Variants in CARMIL3 observed in about 807,000 individuals in gnomAD.
CARMIL3 encodes capping protein regulator and myosin 1 linker 3, also known as capping protein, Arp2/3 and myosin-I linker protein 3.
Under a neutral mutation model 180.8 loss-of-function variants are expected in CARMIL3, and 88 were observed. That is an observed-to-expected ratio of 0.49 (90% CI 0.41 to 0.58). CARMIL3 has a LOEUF of 0.58. CARMIL3 is among the 20% of genes least tolerant of loss of function. The probability of loss-of-function intolerance (pLI) is 0.00; values close to 1 mark genes in which losing one functional copy is unlikely to be tolerated. For synonymous variants in CARMIL3, 696 were observed against 714.5 expected (o/e 0.97, Z 0.41); for missense variants, 1,548 against 1,787.0 (o/e 0.87, Z 2.41).
chr14:24,060,597 TC>T, intron 24 of CARMIL3, 30 bp from the exon 25 acceptor site: 1 of 1,608,990 alleles, frequency 6.2e-7, no homozygotes, highest in Non-Finnish European at 8.5e-7. Flanking sequence ...GAAGCAGGGG[TC>T]CCCTTGACAC....
rs946914939 is a variant in CARMIL3 at position 24,065,437 on chromosome 14, G to A, written c.3396+164G>A. The A allele has an allele frequency of 9.5e-6, 10 of 1,054,620 alleles. 1 individual carries two copies. In the South Asian group the frequency reaches 1.4e-4, roughly 14 times the overall value. 65.3% of individuals were successfully genotyped at this position (1,054,620 alleles called of 1,614,324 possible). The stretch of plus-strand genomic sequence containing the variant: ...CCTTGAGAGTGGACTAAGACCCAGT[G>A]GCCAAGAGCATGCTGGGAGTGCTAT... On this transcript the variant is annotated intron_variant, in intron 33 of 39. Coordinates refer to ENST00000342740, the MANE Select transcript of CARMIL3 (RefSeq NM_138360.4).
At chr14:24,057,050 C>A in intron 13 of CARMIL3, 26 bp downstream of exon 13, 3 of 1,606,900 alleles carry the variant, frequency 1.9e-6, no homozygotes, top group East Asian at 2.2e-5. Flanking sequence ...AGCCTCAGCC[C>A]CCTGCAGAAA....
Position 24,063,164 on chromosome 14 carries a change from G to T in CARMIL3, c.2751G>T (p.Arg917=), listed in dbSNP as rs765066318. The T allele has an allele frequency of 6.2e-7, 1 of 1,613,218 alleles. No homozygotes were observed. The highest frequency in any genetic ancestry group is 1.7e-5 in the Admixed American group (1 of 59,996). The change falls in exon 30 of 40, where the codon CGG becomes CGT. Residue 917 remains arginine, a synonymous_variant. Coordinates refer to ENST00000342740, the MANE Select transcript of CARMIL3 (RefSeq NM_138360.4). ...AGCAGAAACGCTGCCGCAAGATTCG[G>T]CCGGTGTCTGCCTTCATCAGTGAGT... ...IKKQKRCRKI[R]PVSAFISGSP... is the part of the protein sequence containing the mutation.
In CARMIL3 at chr14:24,059,811, C is replaced by T; in HGVS notation, c.1868+79C>T. 1 of 1,552,416 alleles carries T rather than the reference C, an allele frequency of 6.4e-7. No individual in the cohort carries two copies. Among genetic ancestry groups the T allele is most frequent in the East Asian group, 2.3e-5 (1 of 44,346 alleles). ...GATCAGGCCTGAACTACTCTTGCCC[C>T]ACCCTAGCCCCTTTGACCTATTTGC... On this transcript the variant is annotated intron_variant, in intron 22 of 39. Coordinates refer to ENST00000342740, the MANE Select transcript of CARMIL3 (RefSeq NM_138360.4). The surrounding 1 kb of genome is among the most constrained non-coding windows in gnomAD (Gnocchi z 6.3).
Position 24,061,993 on chromosome 14 carries a change from G to A in CARMIL3, c.2480+321G>A, listed in dbSNP as rs890549386. ...GAAAAGTACCTGAGTTGGGTGCATGGAAGCACTGTCTTCCTCCCAGTTTTC... is the reference window on the plus strand; with the variant it reads ...GAAAAGTACCTGAGTTGGGTGCATGAAAGCACTGTCTTCCTCCCAGTTTTC... On this transcript the variant is annotated intron_variant, in intron 27 of 39. Transcript: ENST00000342740. The surrounding 1 kb of genome is among the most constrained non-coding windows in gnomAD (Gnocchi z 4.1). The A allele has an allele frequency of 2.3e-5, 8 of 348,982 alleles. No individual in the cohort carries two copies. Among genetic ancestry groups the A allele is most frequent in the Non-Finnish European group, 3.7e-5 (7 of 190,520 alleles). 21.6% of individuals were successfully genotyped at this position (348,982 alleles called of 1,614,324 possible).
rs777193172 is a variant in CARMIL3 at position 24,058,897 on chromosome 14, C to T, written c.1482C>T (p.Asp494=). 1 of 1,614,244 alleles carries T rather than the reference C, an allele frequency of 6.2e-7. No homozygotes were observed. ...GSLDLSDNGF[D]SDLLTLVPAL... is the part of the protein sequence containing the mutation. Reference sequence around the variant, plus strand: ...CTCCCATCTGCTCACCAGGGTTCGACTCGGACCTCCTGACACTGGTGCCTG... The same window carrying T: ...CTCCCATCTGCTCACCAGGGTTCGATTCGGACCTCCTGACACTGGTGCCTG... The change falls in exon 19 of 40, where the codon GAC becomes GAT. Residue 494 remains aspartate, a synonymous_variant. Transcript: ENST00000342740. The surrounding 1 kb of genome is among the most constrained non-coding windows in gnomAD (Gnocchi z 6.4).
chr14:24,053,238 C>T (rs1425708500), intron 1 of CARMIL3, among the ~76,000 whole-genome samples: 1 of 152,136 alleles, frequency 6.6e-6, no homozygotes, highest in African/African-American at 2.4e-5. Flanking sequence ...CACACTCAGG[C>T]TCCCTGACAT....
Position 24,060,074 on chromosome 14 carries a change from C to T in CARMIL3, c.1962+11C>T. Reference sequence around the variant, plus strand: ...GACGTCTGGCAGAAGGTGCAGGGTGCTGTCCTAAGCAGGGTGGCACAGCAA... The same window carrying T: ...GACGTCTGGCAGAAGGTGCAGGGTGTTGTCCTAAGCAGGGTGGCACAGCAA... On this transcript the variant is annotated intron_variant, in intron 23 of 39. Coordinates refer to ENST00000342740, the MANE Select transcript of CARMIL3 (RefSeq NM_138360.4). The T allele has an allele frequency of 6.2e-7, 1 of 1,613,874 alleles. No individual in the cohort carries two copies. The highest frequency in any genetic ancestry group is 8.5e-7 in the Non-Finnish European group (1 of 1,179,998).
At chr14:24,052,338 C>G (rs1377034448) in intron 1 of CARMIL3, 145 bp downstream of exon 1, 2 of 784,804 alleles carry the variant, frequency 2.5e-6, no homozygotes, top group Non-Finnish European at 3.8e-6. Flanking sequence ...GCATTCCAGT[C>G]CGGGCATCGC....
chr14:24,065,334 C>A, intron 33 of CARMIL3, 61 bp downstream of exon 33: 1 of 1,387,458 alleles, frequency 7.2e-7, no homozygotes, highest in Non-Finnish European at 9.6e-7. Context: ...AACCCAGTCT[C>A]CTACCCCACC....
In CARMIL3 at chr14:24,062,933, C is replaced by T. The variant is rs561754179; in HGVS notation, c.2706+87C>T. The T allele has an allele frequency of 4.0e-4, 612 of 1,545,948 alleles. 6 individuals carry two copies. The South Asian group carries it at 7.3e-3, about 18-fold the overall frequency. On this transcript the variant is annotated intron_variant, in intron 29 of 39. Transcript: ENST00000342740. ...CACTGTCCCCTTCCACTGATCTGTACTCCCCTGGCCACCTCACTGTGCCTG... is the reference window on the plus strand; with the variant it reads ...CACTGTCCCCTTCCACTGATCTGTATTCCCCTGGCCACCTCACTGTGCCTG...
At chr14:24,067,175 C>T (rs2035795644) in intron 36 of CARMIL3, among the ~76,000 whole-genome samples, 1 of 152,252 alleles carries the variant, frequency 6.6e-6, no homozygotes, top group African/African-American at 2.4e-5. Flanking sequence ...ATTAGTCCTT[C>T]TCAGCCACCC....
intron 34 of CARMIL3, among the ~76,000 whole-genome samples, 170 bp downstream of exon 34, chr14:24,065,920 A>G (rs1264528222): frequency 6.6e-6 from 1 of 152,122 alleles, no homozygotes; most frequent in East Asian, 1.9e-4. Flanking sequence ...GGAGCCCTGG[A>G]CTGGTCACTT....
chr14:24,068,863 A>C lies in CARMIL3; in HGVS notation c.3879A>C (p.Pro1293=). The C allele has an allele frequency of 6.2e-7, 1 of 1,612,958 alleles. No individual in the cohort carries two copies. Among genetic ancestry groups the C allele is most frequent in the Non-Finnish European group, 8.5e-7 (1 of 1,179,736 alleles). Residue 1293 remains proline (P), a synonymous_variant, in exon 38 of 40, where the codon CCA becomes CCC. Transcript: ENST00000342740. ...GGGGCCGCCAGCCTCCCCAGGAGCC[A>C]GGGGTCAGGGAGGAGGCTGAGGCTG... is the stretch of plus-strand genomic sequence containing the variant. ...VPRGRQPPQE[P]GVREEAEAGD...
At position 24,066,463 on chromosome 14, in the gene CARMIL3, A is replaced by T. The variant is rs2035787725; in HGVS notation, c.3591A>T (p.Ala1197=). The T allele has an allele frequency of 6.2e-7, 1 of 1,614,176 alleles. No homozygotes were observed. Among genetic ancestry groups the T allele is most frequent in the Non-Finnish European group, 8.5e-7 (1 of 1,180,026 alleles). Residue 1197 remains alanine (A), a splice_region_variant and synonymous_variant, in exon 35 of 40, where the codon GCA becomes GCT. Coordinates refer to ENST00000342740, the MANE Select transcript of CARMIL3 (RefSeq NM_138360.4). ...AWQKRRSSDD[A]GPGSWKPPPP... Reference sequence around the variant, plus strand: ...AGAAACGGCGCTCTTCAGACGACGCAGGTAAGAACAGTCACATTCAAAGCC... The same window carrying T: ...AGAAACGGCGCTCTTCAGACGACGCTGGTAAGAACAGTCACATTCAAAGCC...
In CARMIL3 at chr14:24,055,873, C is replaced by T. The variant is rs532958829; in HGVS notation, c.770+84C>T. The stretch of plus-strand genomic sequence containing the variant: ...GAACCTCAGAGCATGATGCAGGCCT[C>T]TGGACTATCTTATCCAGTGCCTCTC... On this transcript the variant is annotated intron_variant, in intron 10 of 39. Coordinates refer to ENST00000342740, the MANE Select transcript of CARMIL3 (RefSeq NM_138360.4). The T allele has an allele frequency of 1.6e-4, 198 of 1,237,414 alleles. 1 individual carries two copies. The African/African-American group carries it at 2.8e-3, about 17-fold the overall frequency. 76.7% of individuals were successfully genotyped at this position (1,237,414 alleles called of 1,614,324 possible). A position where few individuals can be genotyped will look rare whatever the true frequency, so the allele number is the denominator to read the frequency against.
At chr14:24,064,824 T>C in intron 32 of CARMIL3, 134 bp from the exon 33 acceptor site, 1 of 903,846 alleles carries the variant, frequency 1.1e-6, no homozygotes, top group Non-Finnish European at 1.7e-6. Flanking sequence ...GGCAAGGGCA[T>C]CATCTCCCTG....
At chr14:24,064,493 C>G (rs2035765414) in intron 32 of CARMIL3, 147 bp downstream of exon 32, 1 of 660,136 alleles carries the variant, frequency 1.5e-6, no homozygotes, top group African/African-American at 1.8e-5. Flanking sequence ...CTCATCCTTC[C>G]CCACCCAGCC....
chr14:24,053,386 T>A (rs1238677836), intron 1 of CARMIL3, among the ~76,000 whole-genome samples: 1 of 151,564 alleles, frequency 6.6e-6, no homozygotes, highest in Non-Finnish European at 1.5e-5. Context: ...AGTGCATGGG[T>A]TGGAAAAATT....
Sources: gnomAD v4.1 joint callset for allele counts (sites outside exome capture counted in the v4.1 genomes callset) on GRCh38, gnomAD v4.1.1 for gene constraint, Gnocchi (gnomAD v3.1) non-coding constraint, MANE v1.5 for transcripts, NCBI Gene and HGNC (gene_info 2026-07-23, HGNC 2026-07-21) for gene names.